CCDC61: variants seen among roughly 807,000 people sequenced by gnomAD.
CCDC61 encodes the protein coiled-coil domain containing 61.
A neutral mutation model predicts 63.0 loss-of-function variants in CCDC61; 55 were observed. The observed-to-expected ratio is 0.87, with a 90% CI of 0.70 to 1.09. CCDC61 has a LOEUF of 1.09. Among genes scored for constraint, CCDC61 ranks in the 50% least tolerant of loss-of-function variants. The probability of loss-of-function intolerance (pLI) is 0.00; values close to 1 mark genes in which losing one functional copy is unlikely to be tolerated. For missense variants in CCDC61, 651 were observed against 731.4 expected, an observed-to-expected ratio of 0.89 and a Z score of 1.27; for synonymous variants, 270 against 317.0, an observed-to-expected ratio of 0.85 and a Z score of 1.58.
intron 1 of CCDC61, among the ~76,000 whole-genome samples, chr19:46,002,422 A>G (rs1486789055): frequency 1.4e-5 from 2 of 147,744 alleles, no homozygotes; most frequent in East Asian, 2.0e-4. Context: ...TTTTTTGGCC[A>G]TCATGTATTT....
intron 3 of CCDC61, among the ~76,000 whole-genome samples, chr19:46,006,337 A>C (rs550851326): frequency 1.3e-5 from 2 of 152,264 alleles, no homozygotes; most frequent in African/African-American, 4.8e-5. Flanking sequence ...TCACAGGTCT[A>C]AGCTGTTCTC....
At position 46,001,096 on chromosome 19, in the gene CCDC61, G is replaced by C. The variant is rs555298502; in HGVS notation, c.-11-1912G>C. On this transcript the variant is annotated intron_variant, in intron 1 of 13. Transcript: ENST00000595358. ...CGCTGATAGGTTCTGGGAGCCGGAG[G>C]GGGTGGGGTTGATGGGCGGGGTTTA... Among the ~76,000 whole-genome samples, 42 of 152,136 alleles carry C rather than the reference G, an allele frequency of 2.8e-4. 1 individual carries two copies. The East Asian group carries it at 6.2e-3, about 22-fold the overall frequency.
chr19:45,995,764 A>G (rs1456110754), intron 1 of CCDC61, among the ~76,000 whole-genome samples: 1 of 152,100 alleles, frequency 6.6e-6, no homozygotes, highest in Non-Finnish European at 1.5e-5. Context: ...GAGACAGCAG[A>G]TGGTAAAATA....
chr19:46,017,896 C>T (rs947272415), intron 12 of CCDC61, among the ~76,000 whole-genome samples, 182 bp from the exon 13 acceptor site: 3 of 152,060 alleles, frequency 2.0e-5, no homozygotes, highest in Non-Finnish European at 4.4e-5. Context: ...GGCATCACCT[C>T]ACATGTGAGG....
chr19:46,010,807 A>G (rs777174034), intron 5 of CCDC61, among the ~76,000 whole-genome samples: 31 of 152,332 alleles, frequency 2.0e-4, no homozygotes, highest in South Asian at 2.1e-4. Flanking sequence ...AGCAAATCCC[A>G]GTCTTCGTGT....
rs548042193 is a variant in CCDC61 at position 46,015,865 on chromosome 19, G to A, written c.846-189G>A. ...AAAGGATGTAGGGGAATGACAGAGGGGTGTTTTAGGGGTCCAATTGGGTGA... is the reference window on the plus strand; with the variant it reads ...AAAGGATGTAGGGGAATGACAGAGGAGTGTTTTAGGGGTCCAATTGGGTGA... On this transcript the variant is annotated intron_variant, in intron 7 of 13. Coordinates refer to ENST00000595358, the MANE Select transcript of CCDC61 (RefSeq NM_001267723.2). The surrounding 1 kb of genome is among the most constrained non-coding windows in gnomAD (Gnocchi z 5.3). Among the ~76,000 whole-genome samples the A allele has an allele frequency of 6.6e-6, 1 of 151,982 alleles. No individual in the cohort carries two copies. The highest frequency in any genetic ancestry group is 6.5e-5 in the Admixed American group (1 of 15,278).
chr19:46,012,816 A>G (rs1362526034), intron 5 of CCDC61, among the ~76,000 whole-genome samples: 2 of 151,530 alleles, frequency 1.3e-5, no homozygotes, highest in African/African-American at 4.9e-5. Flanking sequence ...CCTAAACAAT[A>G]TAGTTTAGTT....
At position 46,003,820 on chromosome 19, in the gene CCDC61, C is replaced by CGT. The variant is rs55945123; in HGVS notation, c.231+360_231+361dup. Among the ~76,000 whole-genome samples the CGT allele has an allele frequency of 9.6e-3, 1,385 of 143,962 alleles. 12 individuals carry two copies. Among genetic ancestry groups the CGT allele is most frequent in the South Asian group, 0.028 (125 of 4,438 alleles). The allele number at this position is 143,962 out of a possible 152,430, so 94.4% of individuals were successfully genotyped here. A position where few individuals can be genotyped will look rare whatever the true frequency, so the allele number is the denominator to read the frequency against. On this transcript the variant is annotated intron_variant, in intron 3 of 13. Transcript: ENST00000595358. ...CCATGTCTCTGTTTGTTTCCAAATA[C>CGT]GTGTGTGTGTGTGTGTGTGTGTGTG...
In CCDC61 at chr19:46,015,450, G is replaced by C; in HGVS notation, c.845+23G>C. On this transcript the variant is annotated intron_variant, in intron 7 of 13. Coordinates refer to ENST00000595358, the MANE Select transcript of CCDC61 (RefSeq NM_001267723.2). The surrounding 1 kb of genome is among the most constrained non-coding windows in gnomAD (Gnocchi z 5.3). ...GGGGTGAGAGCGAGGCCTGCCAGGC[G>C]CCTGGGCGGATGGGCGGGCCCTGAG... The C allele has an allele frequency of 1.9e-6, 3 of 1,588,414 alleles. No homozygotes were observed. Among genetic ancestry groups the C allele is most frequent in the Non-Finnish European group, 8.5e-7 (1 of 1,173,438 alleles).
chr19:46,003,165 C>T lies in CCDC61; in HGVS notation c.147C>T (p.Gly49=), dbSNP rs200638957. ...AGTGGCGGGGCGAGTTCGATGCTGG[C>T]TGTGAGTGTGCCTGCCTGGGGTGGG... The part of the protein sequence containing the change: ...ADQWRGEFDA[G]FIEDLTHKTG... Residue 49 remains glycine (G), a splice_region_variant and synonymous_variant, in exon 2 of 14, where the codon GGC becomes GGT. Transcript: ENST00000595358. 2.5e-4 allele frequency: 397 copies of T among 1,605,526 alleles called. 3 individuals are homozygous for T. The African/African-American group carries it at 4.4e-3, about 18-fold the overall frequency.
rs992700697 is a variant in CCDC61 at position 46,015,897 on chromosome 19, G to C, written c.846-157G>C. On this transcript the variant is annotated intron_variant, in intron 7 of 13. Transcript: ENST00000595358. The surrounding 1 kb of genome is among the most constrained non-coding windows in gnomAD (Gnocchi z 5.3). ...TAGGGGTCCAATTGGGTGAGGTCTG[G>C]GGGGGAAGATATCGAGAGGGTCATG... Among the ~76,000 whole-genome samples, 4 of 151,968 alleles carry C rather than the reference G, an allele frequency of 2.6e-5. No individual in the cohort carries two copies. Among genetic ancestry groups the C allele is most frequent in the East Asian group, 1.9e-4 (1 of 5,166 alleles).
rs185208387 is a variant in CCDC61, at chr19:46,008,512, G to A, written c.551+211G>A. On this transcript the variant is annotated intron_variant, in intron 5 of 13. Transcript: ENST00000595358. ...CAGCTTCCTTCTCCCGGGTTCAAGC[G>A]ATTCTCCTGTCTCAGCCTCCCAAGT... 7.9e-4 allele frequency among the ~76,000 whole-genome samples: 120 copies of A among 152,248 alleles called. 2 individuals carry two copies. The highest frequency in any genetic ancestry group is 1.7e-3 in the East Asian group (9 of 5,188).
chr19:46,000,357 G>A (rs972504972), intron 1 of CCDC61, among the ~76,000 whole-genome samples: 1 of 152,042 alleles, frequency 6.6e-6, no homozygotes, highest in Non-Finnish European at 1.5e-5. Flanking sequence ...TGGAATAACG[G>A]GGTGCATTGA....
At chr19:45,998,615 C>T (rs1180395600) in intron 1 of CCDC61, among the ~76,000 whole-genome samples, 2 of 152,162 alleles carry the variant, frequency 1.3e-5, no homozygotes, top group Admixed American at 6.5e-5. Flanking sequence ...CCGTTAAATT[C>T]ACAAGCAGTC....
Position 46,015,020 on chromosome 19 carries a change from C to G in CCDC61, c.552-29C>G. On this transcript the variant is annotated intron_variant, in intron 5 of 13. Coordinates refer to ENST00000595358, the MANE Select transcript of CCDC61 (RefSeq NM_001267723.2). This position sits in a 1 kb window ranked among gnomAD's most constrained non-coding sequence, Gnocchi z 5.3. ...AGTGGGAATGGGGCCATGCCTCTCT[C>G]TCCAGCGCTCTCTCCGCGTCTTCCC... 1.3e-6 allele frequency: 2 copies of G among 1,484,372 alleles called. No homozygotes were observed. Among genetic ancestry groups the G allele is most frequent in the Middle Eastern group, 2.4e-4 (1 of 4,190 alleles). 92.0% of individuals were successfully genotyped at this position (1,484,372 alleles called of 1,614,324 possible).
chr19:46,012,022 C>T (rs1333437090), intron 5 of CCDC61, among the ~76,000 whole-genome samples: 2 of 152,160 alleles, frequency 1.3e-5, no homozygotes, highest in African/African-American at 2.4e-5. Flanking sequence ...AGGCTGATCT[C>T]GAACTCTCGA....
intron 5 of CCDC61, among the ~76,000 whole-genome samples, chr19:46,009,259 A>G (rs759623): frequency 0.42 from 64,062 of 151,908 alleles, 14,025 homozygotes; most frequent in Non-Finnish European, 0.47. Flanking sequence ...GGCCTTTGGC[A>G]TATATATTCA....
At chr19:46,000,958 C>T (rs984364067) in intron 1 of CCDC61, among the ~76,000 whole-genome samples, 1 of 151,706 alleles carries the variant, frequency 6.6e-6, no homozygotes, top group Admixed American at 6.6e-5. Context: ...TTCCTCTGTG[C>T]GGTCTCCTCC....
At chr19:46,004,979 C>T (rs1968674947) in intron 3 of CCDC61, among the ~76,000 whole-genome samples, 1 of 151,222 alleles carries the variant, frequency 6.6e-6, no homozygotes, top group African/African-American at 2.4e-5. Context: ...GCTGGGACTA[C>T]AGGCCTGCCC....
Sources: allele counts gnomAD v4.1 joint callset (sites outside exome capture counted in the v4.1 genomes callset), GRCh38; gene constraint gnomAD v4.1.1; non-coding constraint Gnocchi (gnomAD v3.1); transcripts MANE v1.5; gene names NCBI Gene and HGNC (gene_info 2026-07-23, HGNC 2026-07-21).